Variants in GALNT18 observed in about 807,000 individuals in gnomAD.
The protein encoded by GALNT18 is polypeptide N-acetylgalactosaminyltransferase 18.
Under a neutral mutation model 69.5 loss-of-function variants are expected in GALNT18, and 44 were observed. The observed-to-expected ratio is 0.63, with a 90% CI of 0.50 to 0.81. The LOEUF (loss-of-function observed/expected upper bound fraction) is 0.81, where lower values mean the gene tolerates loss of function less well. Among genes scored for constraint, GALNT18 ranks in the 40% least tolerant of loss-of-function variants. The probability of loss-of-function intolerance (pLI) is 0.00; values close to 1 mark genes in which losing one functional copy is unlikely to be tolerated. For missense variants in GALNT18, 715 were observed against 810.0 expected (o/e 0.88, Z 1.42); for synonymous variants, 364 against 318.2 (o/e 1.14, Z -1.53).
rs1859489890 is a variant in GALNT18, at chr11:11,595,984, AG to A, written c.235+25374del. 6.6e-6 allele frequency among the ~76,000 whole-genome samples: 1 copy of A among 152,124 alleles called. No homozygotes were observed. Among genetic ancestry groups the A allele is most frequent in the African/African-American group, 2.4e-5 (1 of 41,422 alleles). On this transcript the variant is annotated intron_variant, in intron 1 of 10. Transcript: ENST00000227756. The surrounding 1 kb of genome is among the most constrained non-coding windows in gnomAD (Gnocchi z 5.2). Reference sequence around the variant, plus strand: ...GCCTAATCTAAAGTCACAAAGATTTAGGTTTGTCTTCTTCTAAGAGTTCTAT... The same window carrying A: ...GCCTAATCTAAAGTCACAAAGATTTAGTTTGTCTTCTTCTAAGAGTTCTAT...
chr11:11,611,789 G>A (rs560694641), intron 1 of GALNT18, among the ~76,000 whole-genome samples: 2 of 152,260 alleles, frequency 1.3e-5, no homozygotes, highest in East Asian at 1.9e-4. Context: ...GGAACACTCC[G>A]CTTTTTTGAC....
At chr11:11,344,597 C>T (rs1564902908) in intron 6 of GALNT18, among the ~76,000 whole-genome samples, 1 of 152,186 alleles carries the variant, frequency 6.6e-6, no homozygotes, top group African/African-American at 2.4e-5. Flanking sequence ...GAAAGCACAG[C>T]TTTGGAGTCT....
intron 6 of GALNT18, among the ~76,000 whole-genome samples, chr11:11,353,653 T>C (rs1372340582): frequency 6.6e-6 from 1 of 152,198 alleles, no homozygotes; most frequent in Non-Finnish European, 1.5e-5. Flanking sequence ...TATGAATGGC[T>C]CATTAGCATG....
rs773380072 is a variant in GALNT18 at position 11,563,369 on chromosome 11, C to A, written c.235+57990G>T. Among the ~76,000 whole-genome samples the A allele has an allele frequency of 2.0e-5, 3 of 152,238 alleles. No homozygotes were observed. The highest frequency in any genetic ancestry group is 4.4e-5 in the Non-Finnish European group (3 of 68,044). On this transcript the variant is annotated intron_variant, in intron 1 of 10. Coordinates refer to ENST00000227756, the MANE Select transcript of GALNT18 (RefSeq NM_198516.3). This position sits in a 1 kb window ranked among gnomAD's most constrained non-coding sequence, Gnocchi z 4.6. ...TTGTTGGTAGAGGAACAGCCGAGATCTGGACAGACAGGGTCTGCTGCCTTT... is the reference window on the plus strand; with the variant it reads ...TTGTTGGTAGAGGAACAGCCGAGATATGGACAGACAGGGTCTGCTGCCTTT...
intron 1 of GALNT18, among the ~76,000 whole-genome samples, chr11:11,568,542 C>A (rs566486086): frequency 6.6e-6 from 1 of 152,276 alleles, no homozygotes. Flanking sequence ...TTCAGCAACG[C>A]CACTGGAGAT....
At chr11:11,615,599 C>T (rs1003768019) in intron 1 of GALNT18, among the ~76,000 whole-genome samples, 1 of 152,128 alleles carries the variant, frequency 6.6e-6, no homozygotes, top group Non-Finnish European at 1.5e-5. Flanking sequence ...ACCATCATCC[C>T]TCACAAAAAT....
In GALNT18 at chr11:11,494,415, GGGGCCATGC is replaced by G. The variant is rs1426979153; in HGVS notation, c.236-45488_236-45480del. Among the ~76,000 whole-genome samples the G allele has an allele frequency of 1.3e-5, 2 of 152,188 alleles. No homozygotes were observed. The highest frequency in any genetic ancestry group is 2.9e-5 in the Non-Finnish European group (2 of 68,024). ...GTCTGAGAATGACAACCTACTTCAAGGGGCCATGCCCAGGACTGCCACATCCAAGAGGTT... is the reference window on the plus strand; with the variant it reads ...GTCTGAGAATGACAACCTACTTCAAGCCAGGACTGCCACATCCAAGAGGTT... On this transcript the variant is annotated intron_variant, in intron 1 of 10. Transcript: ENST00000227756. The surrounding 1 kb of genome is among the most constrained non-coding windows in gnomAD (Gnocchi z 5.7).
chr11:11,527,144 G>C (rs1454939676), intron 1 of GALNT18, among the ~76,000 whole-genome samples: 2 of 152,088 alleles, frequency 1.3e-5, no homozygotes, highest in African/African-American at 4.8e-5. Context: ...CCTTCCAAAA[G>C]TCTTCATTGT....
intron 1 of GALNT18, among the ~76,000 whole-genome samples, chr11:11,599,625 T>C (rs940867064): frequency 6.6e-6 from 1 of 152,048 alleles, no homozygotes; most frequent in Non-Finnish European, 1.5e-5. Flanking sequence ...GTTGGGTTTA[T>C]ATCTGAAATT....
At chr11:11,576,651 A>T (rs140270343) in intron 1 of GALNT18, among the ~76,000 whole-genome samples, 12 of 152,234 alleles carry the variant, frequency 7.9e-5, no homozygotes, top group African/African-American at 2.9e-4. Context: ...CTAGGACTCG[A>T]CCCTAGACCC....
At position 11,496,977 on chromosome 11, in the gene GALNT18, C is replaced by T. The variant is rs1396439128; in HGVS notation, c.236-48041G>A. 1.3e-5 allele frequency among the ~76,000 whole-genome samples: 2 copies of T among 152,154 alleles called. No homozygotes were observed. Among genetic ancestry groups the T allele is most frequent in the African/African-American group, 2.4e-5 (1 of 41,434 alleles). ...CTGGTAGAGCACCCAAATACTCCAC[C>T]GTGGTCTCCAAGGGCCTCATCGGTC... On this transcript the variant is annotated intron_variant, in intron 1 of 10. Transcript: ENST00000227756. The surrounding 1 kb of genome is among the most constrained non-coding windows in gnomAD (Gnocchi z 4.0).
At chr11:11,528,700 T>C (rs1857573982) in intron 1 of GALNT18, among the ~76,000 whole-genome samples, 1 of 151,980 alleles carries the variant, frequency 6.6e-6, no homozygotes, top group Admixed American at 6.6e-5. Context: ...TAGAAAGACA[T>C]GATGGGAGCT....
At chr11:11,515,180 T>A (rs952667235) in intron 1 of GALNT18, among the ~76,000 whole-genome samples, 3 of 152,054 alleles carry the variant, frequency 2.0e-5, no homozygotes, top group African/African-American at 4.8e-5. Flanking sequence ...TAAGATACCA[T>A]GAGAATAATA....
At chr11:11,395,561 G>A (rs1854306919) in intron 3 of GALNT18, among the ~76,000 whole-genome samples, 1 of 152,232 alleles carries the variant, frequency 6.6e-6, no homozygotes, top group Non-Finnish European at 1.5e-5. Context: ...AGCTTTAGGT[G>A]TTCCTGCATG....
In GALNT18 at chr11:11,591,849, T is replaced by C. The variant is rs980712175; in HGVS notation, c.235+29510A>G. 8.5e-5 allele frequency among the ~76,000 whole-genome samples: 13 copies of C among 152,260 alleles called. No individual in the cohort carries two copies. The highest frequency in any genetic ancestry group is 3.1e-4 in the African/African-American group (13 of 41,558). On this transcript the variant is annotated intron_variant, in intron 1 of 10. Transcript: ENST00000227756. The surrounding 1 kb of genome is among the most constrained non-coding windows in gnomAD (Gnocchi z 4.8). ...CTTGAAAGCCAATACCCAGCTGTGA[T>C]TAGATGTTATGAAGATTTAAGGGTT...
At chr11:11,433,349 A>G (rs891097641) in intron 2 of GALNT18, among the ~76,000 whole-genome samples, 5 of 152,218 alleles carry the variant, frequency 3.3e-5, no homozygotes, top group African/African-American at 1.2e-4. Flanking sequence ...GGAGCTAGAA[A>G]CAGTCTCAAC....
At position 11,465,656 on chromosome 11, in the gene GALNT18, C is replaced by T. The variant is rs1049219670; in HGVS notation, c.236-16720G>A. Among the ~76,000 whole-genome samples the T allele has an allele frequency of 1.3e-5, 2 of 152,030 alleles. No individual in the cohort carries two copies. Among genetic ancestry groups the T allele is most frequent in the African/African-American group, 4.8e-5 (2 of 41,370 alleles). On this transcript the variant is annotated intron_variant, in intron 1 of 10. Transcript: ENST00000227756. The surrounding 1 kb of genome is among the most constrained non-coding windows in gnomAD (Gnocchi z 5.7). ...GGGGTAGAGAAATGGAGTGCCCAGACCACTTCATACACTTGCTTCACCCAC... is the reference window on the plus strand; with the variant it reads ...GGGGTAGAGAAATGGAGTGCCCAGATCACTTCATACACTTGCTTCACCCAC...
rs1298561971 is a variant in GALNT18, at chr11:11,613,410, A to C, written c.235+7949T>G. 1.3e-5 allele frequency among the ~76,000 whole-genome samples: 2 copies of C among 152,238 alleles called. No individual in the cohort carries two copies. The highest frequency in any genetic ancestry group is 2.9e-5 in the Non-Finnish European group (2 of 68,052). Reference sequence around the variant, plus strand: ...TTATGAATGATTAGCTTTAACTCTAATAAATTAAAGGGATTTCAAGGTTGT... The same window carrying C: ...TTATGAATGATTAGCTTTAACTCTACTAAATTAAAGGGATTTCAAGGTTGT... On this transcript the variant is annotated intron_variant, in intron 1 of 10. Coordinates refer to ENST00000227756, the MANE Select transcript of GALNT18 (RefSeq NM_198516.3). This position sits in a 1 kb window ranked among gnomAD's most constrained non-coding sequence, Gnocchi z 4.2.
intron 1 of GALNT18, among the ~76,000 whole-genome samples, chr11:11,525,071 A>G (rs1417621144): frequency 6.6e-6 from 1 of 152,128 alleles, no homozygotes; most frequent in South Asian, 2.1e-4. Flanking sequence ...ATGCAGAAAA[A>G]CCAATATACA....
Sources: gnomAD v4.1 joint callset for allele counts (sites outside exome capture counted in the v4.1 genomes callset) on GRCh38, gnomAD v4.1.1 for gene constraint, Gnocchi (gnomAD v3.1) non-coding constraint, MANE v1.5 for transcripts, NCBI Gene and HGNC (gene_info 2026-07-23, HGNC 2026-07-21) for gene names.